SNTB1: variants seen among roughly 807,000 people sequenced by gnomAD.
SNTB1 encodes beta-1-syntrophin.
In SNTB1, 36 loss-of-function variants were observed where a neutral mutation model predicts 48.9. The observed-to-expected ratio is 0.74, with a 90% CI of 0.56 to 0.97. The LOEUF (loss-of-function observed/expected upper bound fraction) is 0.97, where lower values mean the gene tolerates loss of function less well. Among genes scored for constraint, SNTB1 ranks in the 50% least tolerant of loss-of-function variants. The pLI is 0.00. For missense variants in SNTB1, 786 were observed against 703.4 expected (o/e 1.12, Z -1.33); for synonymous variants, 299 against 294.6 (o/e 1.01, Z -0.15).
intron 5 of SNTB1, among the ~76,000 whole-genome samples, chr8:120,548,545 T>G (rs1434409691): frequency 1.3e-5 from 2 of 152,192 alleles, no homozygotes; most frequent in African/African-American, 4.8e-5. Context: ...TTACCAACTT[T>G]TCTTGAATGA....
chr8:120,579,023 A>G (rs1267291831), intron 3 of SNTB1, among the ~76,000 whole-genome samples: 1 of 152,066 alleles, frequency 6.6e-6, no homozygotes, highest in Non-Finnish European at 1.5e-5. Flanking sequence ...CTAAAAATAC[A>G]AAAATTAGCC....
At chr8:120,549,286 C>T (rs1232928257) in intron 4 of SNTB1, among the ~76,000 whole-genome samples, 1 of 152,184 alleles carries the variant, frequency 6.6e-6, no homozygotes, top group East Asian at 1.9e-4. Flanking sequence ...CTTTCCTGAG[C>T]ATCTATATGT....
At chr8:120,548,632 A>C in intron 5 of SNTB1, 130 bp downstream of exon 5, 1 of 763,706 alleles carries the variant, frequency 1.3e-6, no homozygotes, top group Non-Finnish European at 2.1e-6. Flanking sequence ...ATTTAGAAGA[A>C]TTTAAATTTG....
At chr8:120,683,389 T>C (rs1268817321) in intron 2 of SNTB1, among the ~76,000 whole-genome samples, 4 of 151,690 alleles carry the variant, frequency 2.6e-5, no homozygotes, top group African/African-American at 9.7e-5. Flanking sequence ...GTTTTCTAGA[T>C]AAAGTATAAT....
At chr8:120,610,147 T>C (rs373862645) in intron 3 of SNTB1, among the ~76,000 whole-genome samples, 1 of 148,230 alleles carries the variant, frequency 6.7e-6, no homozygotes, top group Non-Finnish European at 1.5e-5. Flanking sequence ...ATTTTGAAAC[T>C]TTTTTTTTTG....
Position 120,541,802 on chromosome 8 carries a change from A to T in SNTB1, c.1524+8T>A, listed in dbSNP as rs201955841. 352 of 1,595,622 alleles carry T rather than the reference A, an allele frequency of 2.2e-4. 2 individuals are homozygous for T. In the African/African-American group the frequency reaches 3.8e-3, roughly 17 times the overall value. On this transcript the variant is annotated splice_region_variant and intron_variant, in intron 6 of 6. Coordinates refer to ENST00000517992, the MANE Select transcript of SNTB1 (RefSeq NM_021021.4). The stretch of plus-strand genomic sequence containing the variant: ...GAAATCACACTGTCTAAAGAAAAGT[A>T]CACTTACAATCTCTCCATCTTTGCC...
chr8:120,614,339 C>G (rs1408469046), intron 3 of SNTB1, among the ~76,000 whole-genome samples: 1 of 152,196 alleles, frequency 6.6e-6, no homozygotes. Context: ...ACCAATCTGT[C>G]TTAAACTAGT....
intron 3 of SNTB1, among the ~76,000 whole-genome samples, chr8:120,595,590 CTT>C (rs1239808944): frequency 1.4e-5 from 2 of 146,032 alleles, no homozygotes; most frequent in African/African-American, 2.5e-5. Context: ...CCTCTAATTT[CTT>C]TTTTTTTTTA....
At chr8:120,560,649 T>C (rs1401718244) in intron 4 of SNTB1, among the ~76,000 whole-genome samples, 1 of 152,142 alleles carries the variant, frequency 6.6e-6, no homozygotes, top group Admixed American at 6.5e-5. Flanking sequence ...TGGAGTCAAT[T>C]CCTGACTATT....
At position 120,547,004 on chromosome 8, in the gene SNTB1, A is replaced by C. The variant is rs1275518858; in HGVS notation, c.1333+1758T>G. 3.3e-5 allele frequency among the ~76,000 whole-genome samples: 5 copies of C among 152,186 alleles called. No homozygotes were observed. In the East Asian group the frequency reaches 9.6e-4, roughly 29 times the overall value. ...ACAGTGGACAAAGAGTGGACTTCAG[A>C]GTGACACAACCTAGAGTTGAAGTCA... On this transcript the variant is annotated intron_variant, in intron 5 of 6. Coordinates refer to ENST00000517992, the MANE Select transcript of SNTB1 (RefSeq NM_021021.4).
intron 4 of SNTB1, among the ~76,000 whole-genome samples, chr8:120,568,369 T>C (rs936573659): frequency 2.6e-5 from 4 of 152,186 alleles, no homozygotes; most frequent in African/African-American, 4.8e-5. Flanking sequence ...GACATTTTTT[T>C]CCCATTGTTT....
At chr8:120,747,317 G>T (rs1002147463) in intron 1 of SNTB1, among the ~76,000 whole-genome samples, 1 of 152,128 alleles carries the variant, frequency 6.6e-6, no homozygotes, top group African/African-American at 2.4e-5. Context: ...TTAAGACAGG[G>T]TCTTGGTCTG....
chr8:120,718,495 A>G (rs1177359874), intron 1 of SNTB1, among the ~76,000 whole-genome samples: 3 of 152,234 alleles, frequency 2.0e-5, no homozygotes, highest in Non-Finnish European at 4.4e-5. Context: ...AAGGTGGCCA[A>G]ATATATTTTA....
chr8:120,581,453 A>G (rs1423349274), intron 3 of SNTB1, among the ~76,000 whole-genome samples: 1 of 151,836 alleles, frequency 6.6e-6, no homozygotes, highest in Non-Finnish European at 1.5e-5. Flanking sequence ...AAAATACAAA[A>G]ATTAGCGGGG....
chr8:120,796,302 G>C (rs772016410), intron 1 of SNTB1, among the ~76,000 whole-genome samples: 3 of 151,974 alleles, frequency 2.0e-5, no homozygotes, highest in Non-Finnish European at 4.4e-5. Context: ...AAATTACCCA[G>C]TTTCAGGTAT....
At chr8:120,546,944 A>G (rs896388202) in intron 5 of SNTB1, among the ~76,000 whole-genome samples, 12 of 152,364 alleles carry the variant, frequency 7.9e-5, no homozygotes, top group Admixed American at 5.9e-4. Context: ...GATCAGTGGC[A>G]TAACTGTGGG....
chr8:120,743,537 T>A (rs1017418460), intron 1 of SNTB1, among the ~76,000 whole-genome samples: 2 of 152,184 alleles, frequency 1.3e-5, no homozygotes, highest in Non-Finnish European at 2.9e-5. Flanking sequence ...TGAAGGAAGA[T>A]GAAATTCTAA....
intron 3 of SNTB1, among the ~76,000 whole-genome samples, chr8:120,589,422 T>C (rs1816203086): frequency 6.6e-6 from 1 of 152,242 alleles, no homozygotes; most frequent in African/African-American, 2.4e-5. Flanking sequence ...AAGTCACTAA[T>C]GTACCACTGT....
At chr8:120,797,972 C>T (rs1820151267) in intron 1 of SNTB1, among the ~76,000 whole-genome samples, 1 of 151,838 alleles carries the variant, frequency 6.6e-6, no homozygotes, top group Admixed American at 6.6e-5. Flanking sequence ...TAGTACTTGC[C>T]ACACAAGAAT....
Sources: allele counts gnomAD v4.1 joint callset (sites outside exome capture counted in the v4.1 genomes callset), GRCh38; gene constraint gnomAD v4.1.1; transcripts MANE v1.5; gene names NCBI Gene and HGNC (gene_info 2026-07-23, HGNC 2026-07-21).